The following SMYD3 variants were observed in gnomAD, a reference collection of about 807,000 sequenced individuals.
The protein encoded by SMYD3 is histone-lysine N-methyltransferase SMYD3.
SMYD3 carries 36 observed loss-of-function variants against 57.7 expected under a neutral mutation model. That is an observed-to-expected ratio of 0.62 (90% CI 0.48 to 0.82). The LOEUF (loss-of-function observed/expected upper bound fraction) is 0.82. SMYD3 is among the 40% of genes least tolerant of loss of function. SMYD3 has a pLI of 0.00. For missense variants in SMYD3, 515 were observed against 538.8 expected, an observed-to-expected ratio of 0.96 and a Z score of 0.44; for synonymous variants, 211 against 195.0, an observed-to-expected ratio of 1.08 and a Z score of -0.68.
chr1:246,334,117 T>C (rs867908164), intron 3 of SMYD3, among the ~76,000 whole-genome samples: 54 of 152,046 alleles, frequency 3.6e-4, no homozygotes, highest in African/African-American at 1.3e-3. Flanking sequence ...TTATCTACTG[T>C]TAGTGGGAAT....
chr1:246,224,223 C>T (rs2063296688), intron 5 of SMYD3, among the ~76,000 whole-genome samples: 1 of 151,894 alleles, frequency 6.6e-6, no homozygotes, highest in Admixed American at 6.6e-5. Flanking sequence ...GAATATGATA[C>T]AGTAGATGTA....
At chr1:246,420,136 T>G (rs2067121129) in intron 1 of SMYD3, among the ~76,000 whole-genome samples, 1 of 151,534 alleles carries the variant, frequency 6.6e-6, no homozygotes, top group Non-Finnish European at 1.5e-5. Context: ...GAGGTGGAGG[T>G]TGCAGTGAGC....
chr1:246,047,726 C>A (rs995878241), intron 5 of SMYD3, among the ~76,000 whole-genome samples: 1 of 152,016 alleles, frequency 6.6e-6, no homozygotes, highest in Non-Finnish European at 1.5e-5. Context: ...ATAATCCTAA[C>A]TACTCAGAAG....
chr1:246,192,318 A>G (rs1164969322), intron 5 of SMYD3, among the ~76,000 whole-genome samples: 1 of 152,178 alleles, frequency 6.6e-6, no homozygotes, highest in Non-Finnish European at 1.5e-5. Flanking sequence ...AAGAGGTTTA[A>G]TTGAAGAAAT....
intron 10 of SMYD3, among the ~76,000 whole-genome samples, chr1:245,817,443 G>C (rs1208142249): frequency 2.3e-3 from 339 of 150,032 alleles, no homozygotes; most frequent in African/African-American, 7.9e-3. Context: ...CACAAAGATG[G>C]GGAAAAAACA....
chr1:245,823,060 C>A (rs2049266303), intron 10 of SMYD3, among the ~76,000 whole-genome samples: 1 of 152,120 alleles, frequency 6.6e-6, no homozygotes, highest in African/African-American at 2.4e-5. Flanking sequence ...TTTCTGCCTC[C>A]CACAGGCACA....
intron 1 of SMYD3, among the ~76,000 whole-genome samples, chr1:246,383,612 G>C (rs1158815663): frequency 6.6e-6 from 1 of 152,184 alleles, no homozygotes. Context: ...GGCAGCAAGA[G>C]GTAATACATC....
intron 5 of SMYD3, among the ~76,000 whole-genome samples, chr1:246,019,934 T>A (rs534011157): frequency 6.6e-6 from 1 of 152,202 alleles, no homozygotes; most frequent in Non-Finnish European, 1.5e-5. Flanking sequence ...ATGTAAGATA[T>A]ATTAGAAAGA....
At chr1:246,026,566 T>A (rs1383146645) in intron 5 of SMYD3, among the ~76,000 whole-genome samples, 1 of 152,230 alleles carries the variant, frequency 6.6e-6, no homozygotes, top group Non-Finnish European at 1.5e-5. Context: ...TCAAACTTTT[T>A]CACTGTTCTA....
intron 1 of SMYD3, among the ~76,000 whole-genome samples, chr1:246,486,362 C>T (rs1019256184): frequency 1.3e-5 from 2 of 152,130 alleles, no homozygotes; most frequent in African/African-American, 2.4e-5. Flanking sequence ...AGATTCCATA[C>T]CCAAGTATAG....
rs1020917435 is a variant in SMYD3, at chr1:246,203,375, T to A, written c.531+123826A>T. On this transcript the variant is annotated intron_variant, in intron 5 of 11. Transcript: ENST00000490107. This position sits in a 1 kb window ranked among gnomAD's most constrained non-coding sequence, Gnocchi z 4.6. Reference sequence around the variant, plus strand: ...TCTCCCGCTTCTGGACGCCAGCACCTCCCCATGGTTGTTCGCTAGAGCTGC... The same window carrying A: ...TCTCCCGCTTCTGGACGCCAGCACCACCCCATGGTTGTTCGCTAGAGCTGC... 1.3e-5 allele frequency among the ~76,000 whole-genome samples: 2 copies of A among 152,160 alleles called. No homozygotes were observed. The highest frequency in any genetic ancestry group is 4.8e-5 in the African/African-American group (2 of 41,440).
At chr1:245,753,180 C>T (rs892229324) in intron 11 of SMYD3, among the ~76,000 whole-genome samples, 2 of 150,432 alleles carry the variant, frequency 1.3e-5, no homozygotes, top group Non-Finnish European at 2.9e-5. Context: ...TAGAGGATCT[C>T]GTCCATAGGG....
At chr1:246,044,131 T>C (rs1251187735) in intron 5 of SMYD3, among the ~76,000 whole-genome samples, 2 of 152,214 alleles carry the variant, frequency 1.3e-5, no homozygotes, top group African/African-American at 4.8e-5. Flanking sequence ...AGTTTTCTTC[T>C]AATTCAACAG....
intron 2 of SMYD3, among the ~76,000 whole-genome samples, chr1:246,352,320 C>G (rs55716893): frequency 2.6e-5 from 4 of 152,052 alleles, no homozygotes; most frequent in Non-Finnish European, 5.9e-5. Flanking sequence ...ATCATGTCCC[C>G]CTGGGGTATA....
In SMYD3 at chr1:245,823,239, T is replaced by C. The variant is rs544868405; in HGVS notation, c.1076+35257A>G. Among the ~76,000 whole-genome samples, 11 of 152,330 alleles carry C rather than the reference T, an allele frequency of 7.2e-5. No homozygotes were observed. The East Asian group carries it at 2.1e-3, about 29-fold the overall frequency. On this transcript the variant is annotated intron_variant, in intron 10 of 11. Coordinates refer to ENST00000490107, the MANE Select transcript of SMYD3 (RefSeq NM_001167740.2). The stretch of plus-strand genomic sequence containing the variant: ...ATCTCTTCTACATTGTTCAGGACGA[T>C]TGCAAAATCCATTTCTCCTTCTCTG...
chr1:246,145,827 T>C (rs905284100), intron 5 of SMYD3, among the ~76,000 whole-genome samples: 2 of 152,230 alleles, frequency 1.3e-5, no homozygotes, highest in Non-Finnish European at 1.5e-5. Context: ...GTAGCTATTA[T>C]TGAATTAGTG....
intron 5 of SMYD3, among the ~76,000 whole-genome samples, chr1:246,075,012 C>T (rs1023922311): frequency 1.3e-5 from 2 of 151,352 alleles, no homozygotes; most frequent in African/African-American, 4.9e-5. Context: ...CTGAATAAAA[C>T]CCAAAATTAC....
At chr1:246,324,627 A>ATAGT (rs1438266312) in intron 5 of SMYD3, among the ~76,000 whole-genome samples, 2 of 151,750 alleles carry the variant, frequency 1.3e-5, no homozygotes, top group Non-Finnish European at 2.9e-5. Flanking sequence ...TCAGTCAGGG[A>ATAGT]TAGTTGCATG....
At chr1:246,320,600 A>C (rs373612790) in intron 5 of SMYD3, among the ~76,000 whole-genome samples, 20 of 152,300 alleles carry the variant, frequency 1.3e-4, no homozygotes, top group South Asian at 1.0e-3. Flanking sequence ...CTATGCAACT[A>C]GTCTATTTTC....
Sources: allele counts gnomAD v4.1 joint callset (sites outside exome capture counted in the v4.1 genomes callset), GRCh38; gene constraint gnomAD v4.1.1; non-coding constraint Gnocchi (gnomAD v3.1); transcripts MANE v1.5; gene names NCBI Gene and HGNC (gene_info 2026-07-23, HGNC 2026-07-21).